The following SLIT3 variants were observed in gnomAD, a reference collection of about 807,000 sequenced individuals.
The protein encoded by SLIT3 is slit homolog 3 protein.
SLIT3 carries 68 observed loss-of-function variants against 184.0 expected under a neutral mutation model. The ratio of observed to expected loss-of-function variants is 0.37; its 90% CI spans 0.30 to 0.45. The LOEUF is 0.45. Ranked by LOEUF, SLIT3 falls within the 20% of genes least tolerant of loss-of-function variation. SLIT3 has a pLI of 1.00. For synonymous variants in SLIT3, 831 were observed against 828.6 expected (o/e 1.00, Z -0.05); for missense variants, 1,707 against 2,026.0 (o/e 0.84, Z 3.02).
intron 4 of SLIT3, among the ~76,000 whole-genome samples, chr5:169,140,516 G>A (rs1454548831): frequency 2.7e-5 from 4 of 148,412 alleles, no homozygotes; most frequent in Non-Finnish European, 5.9e-5. Context: ...AAAAGACGCA[G>A]GCGGTCAGGC....
At chr5:168,993,369 G>A (rs1036199799) in intron 4 of SLIT3, among the ~76,000 whole-genome samples, 8 of 152,294 alleles carry the variant, frequency 5.3e-5, no homozygotes, top group East Asian at 3.9e-4. Flanking sequence ...ATGGCACCCC[G>A]CCTACAGGAT....
chr5:169,129,430 T>C (rs182709039), intron 4 of SLIT3, among the ~76,000 whole-genome samples: 1,557 of 152,038 alleles, frequency 0.01, 15 homozygotes, highest in Non-Finnish European at 0.017. Flanking sequence ...TGGGCGCCTG[T>C]AATACCAGCC....
chr5:169,039,316 TG>T (rs1280137487), intron 4 of SLIT3, among the ~76,000 whole-genome samples: 1 of 136,332 alleles, frequency 7.3e-6, no homozygotes, highest in East Asian at 2.5e-4. Context: ...TTTTTTTTTG[TG>T]TTTTTTTTTT....
intron 5 of SLIT3, among the ~76,000 whole-genome samples, chr5:168,878,248 G>C (rs534788347): frequency 6.6e-6 from 1 of 152,180 alleles, no homozygotes; most frequent in Non-Finnish European, 1.5e-5. Context: ...CAGTAATTGC[G>C]TAGAGTGGCA....
At chr5:168,756,851 G>GT (rs972528464) in intron 16 of SLIT3, among the ~76,000 whole-genome samples, 1 of 152,198 alleles carries the variant, frequency 6.6e-6, no homozygotes, top group Non-Finnish European at 1.5e-5. Context: ...CAGCTATGAA[G>GT]TGGGAGGGTT....
chr5:168,759,024 A>C (rs1755047717), intron 16 of SLIT3, among the ~76,000 whole-genome samples: 1 of 152,212 alleles, frequency 6.6e-6, no homozygotes, highest in Non-Finnish European at 1.5e-5. Context: ...TATGGTGTAC[A>C]TGAAACACAA....
chr5:169,087,398 T>C lies in SLIT3; in HGVS notation c.413+106081A>G, dbSNP rs528035156. 7.2e-5 allele frequency among the ~76,000 whole-genome samples: 11 copies of C among 152,356 alleles called. No individual in the cohort carries two copies. In the South Asian group the frequency reaches 2.3e-3, roughly 32 times the overall value. On this transcript the variant is annotated intron_variant, in intron 4 of 35. Coordinates refer to ENST00000519560, the MANE Select transcript of SLIT3 (RefSeq NM_003062.4). ...ATCTCTATTGTCTGCTGTTGATTTC[T>C]GGAGCTGGGCTCACTTTGTAGGGAT...
At chr5:169,123,350 T>G (rs1760953697) in intron 4 of SLIT3, among the ~76,000 whole-genome samples, 2 of 152,168 alleles carry the variant, frequency 1.3e-5, no homozygotes, top group Non-Finnish European at 2.9e-5. Context: ...AGTCAGTAGT[T>G]TACACATGGG....
At chr5:168,780,545 G>T (rs780819380) in intron 12 of SLIT3, among the ~76,000 whole-genome samples, 3 of 152,182 alleles carry the variant, frequency 2.0e-5, no homozygotes, top group Non-Finnish European at 4.4e-5. Flanking sequence ...GGTTATGAAG[G>T]CTCTTTGTTA....
chr5:168,917,387 C>T (rs571555763), intron 4 of SLIT3, among the ~76,000 whole-genome samples: 1 of 152,316 alleles, frequency 6.6e-6, no homozygotes, highest in South Asian at 2.1e-4. Context: ...GTGTTCTTGC[C>T]TACCTCTGAA....
intron 4 of SLIT3, among the ~76,000 whole-genome samples, chr5:169,056,232 T>G (rs1757998435): frequency 6.6e-6 from 1 of 152,150 alleles, no homozygotes; most frequent in Non-Finnish European, 1.5e-5. Context: ...AAACCCTCAT[T>G]TTTTCATAAG....
chr5:168,766,898 T>G (rs1755364617), intron 14 of SLIT3, among the ~76,000 whole-genome samples: 1 of 152,198 alleles, frequency 6.6e-6, no homozygotes, highest in Non-Finnish European at 1.5e-5. Flanking sequence ...AAGGGAGAGT[T>G]TAAGCAAATT....
Position 169,002,348 on chromosome 5 carries a change from A to AAAAAAAAG in SLIT3, c.414-119020_414-119013dup, listed in dbSNP as rs1561600119. 1.4e-4 allele frequency among the ~76,000 whole-genome samples: 21 copies of AAAAAAAAG among 147,318 alleles called. 1 individual carries two copies. The highest frequency in any genetic ancestry group is 2.1e-4 in the Non-Finnish European group (14 of 66,294). ...AAAAAAAAAAAAAAAAAAAAAAAAA[A>AAAAAAAAG]AAAAAAAGAAAAAAAGAAAAAGCAA... On this transcript the variant is annotated intron_variant, in intron 4 of 35. Transcript: ENST00000519560.
chr5:168,803,676 C>T (rs1756848406), intron 9 of SLIT3, among the ~76,000 whole-genome samples: 1 of 152,130 alleles, frequency 6.6e-6, no homozygotes, highest in African/African-American at 2.4e-5. Context: ...GGACTGGACT[C>T]TTTCATCAGA....
chr5:169,094,574 G>A (rs1759710551), intron 4 of SLIT3, among the ~76,000 whole-genome samples: 1 of 152,198 alleles, frequency 6.6e-6, no homozygotes, highest in South Asian at 2.1e-4. Flanking sequence ...AGGTTGCAGT[G>A]AGCCCAGATT....
chr5:169,146,548 C>T (rs941160562), intron 4 of SLIT3, among the ~76,000 whole-genome samples: 2 of 152,174 alleles, frequency 1.3e-5, no homozygotes, highest in Middle Eastern at 3.2e-3. Flanking sequence ...TTCTGACCTC[C>T]ACACCCCCTT....
chr5:169,165,019 G>T (rs1417193042), intron 4 of SLIT3, among the ~76,000 whole-genome samples: 1 of 152,220 alleles, frequency 6.6e-6, no homozygotes, highest in Non-Finnish European at 1.5e-5. Context: ...GATAATGCAT[G>T]ACCTCCCGGA....
intron 4 of SLIT3, among the ~76,000 whole-genome samples, chr5:168,947,778 T>C (rs1417456444): frequency 1.3e-5 from 2 of 152,038 alleles, no homozygotes; most frequent in Non-Finnish European, 2.9e-5. Flanking sequence ...GTTTTTTTGT[T>C]GTTGTTGTTT....
At chr5:169,184,149 T>C (rs1763257944) in intron 4 of SLIT3, among the ~76,000 whole-genome samples, 1 of 152,248 alleles carries the variant, frequency 6.6e-6, no homozygotes, top group African/African-American at 2.4e-5. Flanking sequence ...CAAGTATTAA[T>C]ATCCTAGATC....
Sources: allele counts gnomAD v4.1 joint callset (sites outside exome capture counted in the v4.1 genomes callset), GRCh38; gene constraint gnomAD v4.1.1; transcripts MANE v1.5; gene names NCBI Gene and HGNC (gene_info 2026-07-23, HGNC 2026-07-21).